OCA2: variants seen among roughly 807,000 people sequenced by gnomAD.
OCA2 encodes P protein.
A neutral mutation model predicts 100.2 loss-of-function variants in OCA2; 77 were observed. The observed-to-expected ratio is 0.77, with a 90% CI of 0.64 to 0.93. The LOEUF (loss-of-function observed/expected upper bound fraction) is 0.93, where lower values mean the gene tolerates loss of function less well. Among genes scored for constraint, OCA2 ranks in the 40% least tolerant of loss-of-function variants. The probability of loss-of-function intolerance (pLI) is 0.00; values close to 1 mark genes in which losing one functional copy is unlikely to be tolerated. For missense variants in OCA2, 1,062 were observed against 1,089.1 expected (o/e 0.98, Z 0.35); for synonymous variants, 432 against 439.2 (o/e 0.98, Z 0.21).
intron 11 of OCA2, among the ~76,000 whole-genome samples, chr15:27,988,836 C>T (rs774570547): frequency 3.9e-5 from 6 of 152,138 alleles, no homozygotes; most frequent in South Asian, 4.1e-4. Context: ...TGCCTCCCTG[C>T]GCACCACCCA....
At chr15:28,077,863 C>T (rs760385410) in intron 2 of OCA2, among the ~76,000 whole-genome samples, 16 of 152,262 alleles carry the variant, frequency 1.1e-4, no homozygotes, top group South Asian at 2.1e-4. Context: ...AGGTGGATCA[C>T]GAGGTCAGGA....
chr15:27,906,857 T>C (rs1050689138), intron 19 of OCA2, among the ~76,000 whole-genome samples: 1 of 152,180 alleles, frequency 6.6e-6, no homozygotes, highest in Non-Finnish European at 1.5e-5. Flanking sequence ...ACTCAGCTTC[T>C]GGTGAGGGCC....
chr15:28,039,639 A>G (rs2043144583), intron 2 of OCA2, among the ~76,000 whole-genome samples: 1 of 152,182 alleles, frequency 6.6e-6, no homozygotes, highest in African/African-American at 2.4e-5. Flanking sequence ...GTACCCCACA[A>G]TGTGTGAATG....
chr15:28,033,366 C>T (rs867594404), intron 2 of OCA2, among the ~76,000 whole-genome samples: 1 of 152,112 alleles, frequency 6.6e-6, no homozygotes, highest in South Asian at 2.1e-4. Context: ...TTTCTGATCA[C>T]GAATGCACAA....
chr15:27,872,208 C>T lies in OCA2; in HGVS notation c.2080-286G>A, dbSNP rs572149789. On this transcript the variant is annotated intron_variant, in intron 19 of 23. Coordinates refer to ENST00000354638, the MANE Select transcript of OCA2 (RefSeq NM_000275.3). The stretch of plus-strand genomic sequence containing the variant: ...CCGAATGGAAGACTCTCTTTAAGAC[C>T]TGTGTATAAAGATACTGTTCAATCG... 5.3e-5 allele frequency among the ~76,000 whole-genome samples: 8 copies of T among 152,284 alleles called. No individual in the cohort carries two copies. The East Asian group carries it at 1.5e-3, about 29-fold the overall frequency.
chr15:27,789,208 T>TGTGG (rs2032964958), intron 23 of OCA2, among the ~76,000 whole-genome samples: 1 of 73,074 alleles, frequency 1.4e-5, no homozygotes, highest in African/African-American at 5.2e-5. Flanking sequence ...TTTTTTTTTC[T>TGTGG]GGGCGGGGGG....
chr15:27,779,495 C>G (rs1196942253), intron 23 of OCA2, among the ~76,000 whole-genome samples: 2 of 152,070 alleles, frequency 1.3e-5, no homozygotes, highest in African/African-American at 4.8e-5. Context: ...TGGATTGACC[C>G]TTTCATCATT....
chr15:27,881,824 C>T (rs981504312), intron 19 of OCA2, among the ~76,000 whole-genome samples: 9 of 152,082 alleles, frequency 5.9e-5, no homozygotes, highest in African/African-American at 1.9e-4. Context: ...AATACCAACT[C>T]CTAGATTCAT....
intron 23 of OCA2, among the ~76,000 whole-genome samples, chr15:27,790,483 T>C (rs532595569): frequency 1.3e-5 from 2 of 152,296 alleles, no homozygotes; most frequent in East Asian, 3.9e-4. Flanking sequence ...TGCTGATGCA[T>C]ACAAAAACAT....
chr15:27,920,501 G>T (rs1280191033), intron 19 of OCA2, among the ~76,000 whole-genome samples: 2 of 151,992 alleles, frequency 1.3e-5, no homozygotes, highest in African/African-American at 4.8e-5. Context: ...AAAATTATAA[G>T]ATATGCAAAA....
chr15:27,820,157 AATGATTGGAG>A (rs1436718187), intron 23 of OCA2, among the ~76,000 whole-genome samples: 2 of 152,246 alleles, frequency 1.3e-5, no homozygotes, highest in African/African-American at 4.8e-5. Flanking sequence ...TGAATAAGTA[AATGATTGGAG>A]AAGCATAAAC....
chr15:27,977,050 A>C (rs2040991849), intron 14 of OCA2, among the ~76,000 whole-genome samples: 1 of 152,146 alleles, frequency 6.6e-6, no homozygotes, highest in African/African-American at 2.4e-5. Flanking sequence ...GTTTACATAG[A>C]GTTGTCCATG....
intron 2 of OCA2, among the ~76,000 whole-genome samples, chr15:28,041,925 TGAGA>T (rs146398423): frequency 1.3e-5 from 2 of 150,358 alleles, no homozygotes; most frequent in Admixed American, 1.3e-4. Context: ...GTGCATGAGA[TGAGA>T]GAGAGAGAGA....
At chr15:27,993,212 G>A (rs2041613009) in intron 9 of OCA2, among the ~76,000 whole-genome samples, 3 of 152,170 alleles carry the variant, frequency 2.0e-5, no homozygotes, top group Admixed American at 1.3e-4. Flanking sequence ...AATTTTTATT[G>A]AGCACCTACT....
At chr15:27,896,916 C>T (rs1018817489) in intron 19 of OCA2, among the ~76,000 whole-genome samples, 5 of 152,144 alleles carry the variant, frequency 3.3e-5, no homozygotes, top group East Asian at 1.9e-4. Context: ...GCAGGCCAGG[C>T]GCAGTGGCTC....
chr15:27,929,014 C>A (rs1360918217), intron 18 of OCA2, among the ~76,000 whole-genome samples: 1 of 152,144 alleles, frequency 6.6e-6, no homozygotes, highest in Non-Finnish European at 1.5e-5. Context: ...GGAAAATTAA[C>A]ATTTTAACAA....
At chr15:27,954,333 T>A (rs1004857277) in intron 17 of OCA2, among the ~76,000 whole-genome samples, 6 of 152,188 alleles carry the variant, frequency 3.9e-5, no homozygotes, top group Admixed American at 3.9e-4. Context: ...TGTATGAACT[T>A]GGGGCCTGCA....
chr15:28,030,659 G>T (rs1009349810), intron 3 of OCA2, among the ~76,000 whole-genome samples: 1 of 152,230 alleles, frequency 6.6e-6, no homozygotes, highest in African/African-American at 2.4e-5. Flanking sequence ...CTGCAGACTG[G>T]GCTGGGGAGA....
chr15:27,746,927 C>A, the OCA2 span, among the ~76,000 whole-genome samples: 36 of 152,334 alleles, frequency 2.4e-4, 1 homozygote, highest in South Asian at 6.8e-3. Context: ...ATGCTACAGA[C>A]CTCCTGGCTG....
Sources: allele counts gnomAD v4.1 joint callset (sites outside exome capture counted in the v4.1 genomes callset), GRCh38; gene constraint gnomAD v4.1.1; transcripts MANE v1.5; gene names NCBI Gene and HGNC (gene_info 2026-07-23, HGNC 2026-07-21).